The following GLDC variants were observed in gnomAD, a reference collection of about 807,000 sequenced individuals.
GLDC encodes the protein glycine decarboxylase.
In GLDC, 104 loss-of-function variants were observed where a neutral mutation model predicts 121.3. The ratio of observed to expected loss-of-function variants is 0.86; its 90% confidence interval spans 0.73 to 1.01. The LOEUF (loss-of-function observed/expected upper bound fraction) is 1.01, where lower values mean the gene tolerates loss of function less well. Among genes scored for constraint, GLDC ranks in the 50% least tolerant of loss-of-function variants. GLDC has a pLI of 0.00. For synonymous variants in GLDC, 546 were observed against 480.6 expected, an observed-to-expected ratio of 1.14 and a Z score of -1.78; for missense variants, 1,429 against 1,306.6, an observed-to-expected ratio of 1.09 and a Z score of -1.44.
intron 15 of GLDC, among the ~76,000 whole-genome samples, chr9:6,583,478 C>G (rs1171577185): frequency 1.3e-5 from 2 of 152,062 alleles, no homozygotes; most frequent in Non-Finnish European, 2.9e-5. Flanking sequence ...AGTTCCAGAC[C>G]AGCCTGGGCA....
At chr9:6,633,323 A>G (rs1369129522) in intron 2 of GLDC, among the ~76,000 whole-genome samples, 2 of 151,334 alleles carry the variant, frequency 1.3e-5, no homozygotes, top group African/African-American at 2.4e-5. Context: ...TCTTCCCCAC[A>G]CTCCATCCCT....
intron 15 of GLDC, among the ~76,000 whole-genome samples, chr9:6,568,057 T>C (rs1241854968): frequency 6.6e-6 from 1 of 152,222 alleles, no homozygotes; most frequent in Admixed American, 6.5e-5. Flanking sequence ...TCTCATGAAT[T>C]CTATTCATCT....
At chr9:6,537,374 A>G (rs1400439712) in intron 22 of GLDC, among the ~76,000 whole-genome samples, 1 of 152,210 alleles carries the variant, frequency 6.6e-6, no homozygotes, top group Non-Finnish European at 1.5e-5. Context: ...CTCTGAACTA[A>G]TCTTGCCCCA....
At chr9:6,621,554 G>C (rs1819094294) in intron 2 of GLDC, among the ~76,000 whole-genome samples, 1 of 152,104 alleles carries the variant, frequency 6.6e-6, no homozygotes, top group South Asian at 2.1e-4. Flanking sequence ...GTCTTGCTCT[G>C]TCACCCAGGC....
chr9:6,644,714 G>C, intron 1 of GLDC, 22 bp from the exon 2 acceptor site: 4 of 1,540,232 alleles, frequency 2.6e-6, no homozygotes, highest in Non-Finnish European at 3.6e-6. Flanking sequence ...ACGCAAGGCA[G>C]AGGAAAGTGC....
In GLDC at chr9:6,604,465, G is replaced by T. The variant is rs150740144; in HGVS notation, c.1058+123C>A. 499 of 879,574 alleles carry T rather than the reference G, an allele frequency of 5.7e-4. 1 individual carries two copies. The African/African-American group carries it at 7.7e-3, about 14-fold the overall frequency. The allele number at this position is 879,574 out of a possible 1,614,324, so 54.5% of individuals were successfully genotyped here. On this transcript the variant is annotated intron_variant, in intron 7 of 24. Transcript: ENST00000321612. ...AGAATTGTTCTTCTGAATCTATGTTGTACATTTCCTTAACTGACTCAACAT... is the reference window on the plus strand; with the variant it reads ...AGAATTGTTCTTCTGAATCTATGTTTTACATTTCCTTAACTGACTCAACAT...
Position 6,644,674 on chromosome 9 carries a change from C to A in GLDC, c.274G>T (p.Glu92Ter). ...CGGATGTTGGCAGGGACCGTCTTCT[C>A]GATCAATTCATCAATGCTCTAAAAT... ...LGLASIDELI[E>*]KTVPANIRLK... The change falls in exon 2 of 25, where the codon GAG becomes TAG. Residue 92 changes from glutamate to a stop codon, truncating the protein, a stop_gained. Coordinates refer to ENST00000321612, the MANE Select transcript of GLDC (RefSeq NM_000170.3). LOFTEE classifies it high-confidence loss of function. 3.1e-6 allele frequency: 5 copies of A among 1,612,664 alleles called. No homozygotes were observed. Among genetic ancestry groups the A allele is most frequent in the Non-Finnish European group, 4.2e-6 (5 of 1,178,778 alleles).
intron 7 of GLDC, among the ~76,000 whole-genome samples, chr9:6,603,003 G>A (rs896374271): frequency 5.3e-5 from 8 of 151,940 alleles, no homozygotes; most frequent in Admixed American, 2.0e-4. Context: ...CAAGGTGGGC[G>A]GATCACCTGA....
At chr9:6,564,897 G>A (rs1010356965) in intron 16 of GLDC, among the ~76,000 whole-genome samples, 38 of 152,228 alleles carry the variant, frequency 2.5e-4, no homozygotes, top group African/African-American at 9.2e-4. Context: ...ATCATCTAAT[G>A]GAGAATTTAT....
chr9:6,556,049 G>C, intron 18 of GLDC, 104 bp downstream of exon 18: 1 of 927,030 alleles, frequency 1.1e-6, no homozygotes, highest in Non-Finnish European at 1.7e-6. Flanking sequence ...TCGTGGGTCT[G>C]AGTTCCCTCA....
chr9:6,573,495 A>AT (rs201451432), intron 15 of GLDC, among the ~76,000 whole-genome samples: 4,040 of 149,992 alleles, frequency 0.027, 181 homozygotes, highest in African/African-American at 0.091. Flanking sequence ...CATTTATGTG[A>AT]TTTTTTAAAA....
intron 21 of GLDC, among the ~76,000 whole-genome samples, chr9:6,546,756 G>GT (rs1817400552): frequency 6.6e-6 from 1 of 151,900 alleles, no homozygotes. Context: ...GAGGTCAGGA[G>GT]TTTGAGACCA....
chr9:6,622,036 G>A (rs891650999), intron 2 of GLDC, among the ~76,000 whole-genome samples: 4 of 152,064 alleles, frequency 2.6e-5, no homozygotes, highest in African/African-American at 9.7e-5. Flanking sequence ...CAAAACCTAA[G>A]ACAGCAAACT....
chr9:6,640,181 A>G (rs929900902), intron 2 of GLDC, among the ~76,000 whole-genome samples: 2 of 152,240 alleles, frequency 1.3e-5, no homozygotes, highest in Non-Finnish European at 2.9e-5. Flanking sequence ...AGCTCATTAC[A>G]GCCTTTGTTT....
intron 9 of GLDC, among the ~76,000 whole-genome samples, 160 bp downstream of exon 9, chr9:6,594,854 A>T (rs1818460084): frequency 6.6e-6 from 1 of 152,226 alleles, no homozygotes; most frequent in Non-Finnish European, 1.5e-5. Flanking sequence ...AAAGAAAGAA[A>T]GCAAAACAAC....
intron 15 of GLDC, among the ~76,000 whole-genome samples, chr9:6,575,962 C>T (rs924588979): frequency 5.9e-5 from 9 of 152,262 alleles, no homozygotes; most frequent in African/African-American, 1.9e-4. Flanking sequence ...AAACCCTCCC[C>T]GGGGTTTATG....
intron 3 of GLDC, among the ~76,000 whole-genome samples, chr9:6,619,918 C>A (rs964733374): frequency 6.6e-5 from 10 of 152,186 alleles, no homozygotes; most frequent in African/African-American, 2.2e-4. Flanking sequence ...AATTAAGCTG[C>A]AGAAGAGGAA....
In GLDC at chr9:6,588,677, G is replaced by A. The variant is rs1286882965; in HGVS notation, c.1606C>T (p.Arg536Trp). ...NSYHSETNIV[R>W]YMKKLENKDI... ...TTATTTTCCAGTTTCTTCATGTACC[G>A]GACAATGTTTGTTTCAGAGTGGTAG... Residue 536 changes from arginine (R) to tryptophan (W), a missense_variant, in exon 13 of 25, where the codon CGG becomes TGG. Coordinates refer to ENST00000321612, the MANE Select transcript of GLDC (RefSeq NM_000170.3). 4 of 1,613,018 alleles carry A rather than the reference G, an allele frequency of 2.5e-6. No individual in the cohort carries two copies. The highest frequency in any genetic ancestry group is 1.3e-5 in the African/African-American group (1 of 74,902).
chr9:6,540,382 CACCTGT>C (rs1817229745), intron 21 of GLDC: 1 of 502,988 alleles, frequency 2.0e-6, no homozygotes, highest in Non-Finnish European at 3.6e-6. Flanking sequence ...GCTCACTACA[CACCTGT>C]GAACCTGATT....
Sources: allele counts gnomAD v4.1 joint callset (sites outside exome capture counted in the v4.1 genomes callset), GRCh38; gene constraint gnomAD v4.1.1; transcripts MANE v1.5; gene names NCBI Gene and HGNC (gene_info 2026-07-23, HGNC 2026-07-21).